USP42: variants seen among roughly 807,000 people sequenced by gnomAD.
The protein encoded by USP42 is ubiquitin specific peptidase 42.
USP42 carries 23 observed loss-of-function variants against 113.0 expected under a neutral mutation model. The ratio of observed to expected loss-of-function variants is 0.20; its 90% confidence interval spans 0.15 to 0.29. The LOEUF is 0.29. Among genes scored for constraint, USP42 ranks in the 10% least tolerant of loss-of-function variants. The probability of loss-of-function intolerance (pLI) is 1.00; values close to 1 mark genes in which losing one functional copy is unlikely to be tolerated. For synonymous variants in USP42, 933 were observed against 699.0 expected (o/e 1.33, Z -5.28); for missense variants, 2,174 against 1,779.8 (o/e 1.22, Z -3.99).
At chr7:6,119,347 G>A (rs1011966872) in intron 3 of USP42, among the ~76,000 whole-genome samples, 5 of 152,112 alleles carry the variant, frequency 3.3e-5, no homozygotes, top group African/African-American at 4.8e-5. Flanking sequence ...GGCGGCAAGC[G>A]CTAGTCCTGG....
chr7:6,126,746 G>T (rs1268433880), intron 3 of USP42, among the ~76,000 whole-genome samples: 2 of 152,080 alleles, frequency 1.3e-5, no homozygotes, highest in African/African-American at 4.8e-5. Context: ...GTTGTTTCTG[G>T]TTTTGGGGGA....
intron 1 of USP42, among the ~76,000 whole-genome samples, chr7:6,110,095 A>G (rs1322488687): frequency 6.6e-6 from 1 of 151,734 alleles, no homozygotes; most frequent in Non-Finnish European, 1.5e-5. Flanking sequence ...TGGCCTCCCA[A>G]GGTGCTGCAA....
chr7:6,131,362 C>G (rs780564437), intron 3 of USP42, among the ~76,000 whole-genome samples: 1 of 151,972 alleles, frequency 6.6e-6, no homozygotes, highest in Non-Finnish European at 1.5e-5. Flanking sequence ...GTAATCCCAG[C>G]TACTCGAGAG....
In USP42 at chr7:6,153,971, G is replaced by C; in HGVS notation, c.2417G>C (p.Gly806Ala). The change falls in exon 15 of 18, where the codon GGC becomes GCC. Residue 806 changes from glycine (G) to alanine (A), a missense_variant. Physicochemically the swap from Gly to Ala is moderately conservative, Grantham distance 60 (BLOSUM62 0). Coordinates refer to ENST00000306177, the MANE Select transcript of USP42 (RefSeq NM_032172.3). ...VAPEEPPPSA[G>A]EDIVGDTAPP... The stretch of plus-strand genomic sequence containing the variant: ...CCCGAGGAGCCTCCGCCCAGCGCCG[G>C]CGAGGACATCGTGGGGGACACAGCA... The C allele has an allele frequency of 1.3e-6, 2 of 1,596,068 alleles. No homozygotes were observed. The highest frequency in any genetic ancestry group is 1.7e-6 in the Non-Finnish European group (2 of 1,173,632).
chr7:6,153,517 A>G (rs1308518031), intron 14 of USP42, among the ~76,000 whole-genome samples: 1 of 152,198 alleles, frequency 6.6e-6, no homozygotes, highest in African/African-American at 2.4e-5. Flanking sequence ...GTATTTAAAG[A>G]GACGAAATAG....
the USP42 span, among the ~76,000 whole-genome samples, chr7:6,086,597 C>A: frequency 3.3e-5 from 5 of 150,484 alleles, no homozygotes; most frequent in Admixed American, 2.0e-4. Context: ...TGATCCACCC[C>A]CCTCAACCTC....
Position 6,159,619 on chromosome 7 carries a change from A to C in USP42, c.*36+126A>C. 1 of 948,320 alleles carries C rather than the reference A, an allele frequency of 1.1e-6. No individual in the cohort carries two copies. Among genetic ancestry groups the C allele is most frequent in the Non-Finnish European group, 1.6e-6 (1 of 632,402 alleles). 58.7% of individuals were successfully genotyped at this position (948,320 alleles called of 1,614,324 possible). On this transcript the variant is annotated intron_variant, in intron 17 of 17. Coordinates refer to ENST00000306177, the MANE Select transcript of USP42 (RefSeq NM_032172.3). This position sits in a 1 kb window ranked among gnomAD's most constrained non-coding sequence, Gnocchi z 4.1. ...CATAGGAGTTGGCAGAGCCATGGAG[A>C]GGCCCCGGCAGGTTCCCAGCCAGCC... is the stretch of plus-strand genomic sequence containing the variant.
chr7:6,122,782 T>TA (rs1780305385), intron 3 of USP42, among the ~76,000 whole-genome samples: 1 of 151,464 alleles, frequency 6.6e-6, no homozygotes, highest in African/African-American at 2.4e-5. Context: ...ATTTTTTTTT[T>TA]AAATAGAGAT....
chr7:6,106,198 A>G (rs944464179), intron 1 of USP42, among the ~76,000 whole-genome samples: 4 of 152,246 alleles, frequency 2.6e-5, no homozygotes, highest in Admixed American at 1.3e-4. Context: ...TATAAAGTTT[A>G]AGGCCAGTCG....
the USP42 span, among the ~76,000 whole-genome samples, chr7:6,094,323 A>G: frequency 1.7e-4 from 26 of 150,986 alleles, no homozygotes; most frequent in Admixed American, 7.2e-4. Flanking sequence ...ACAGGCATGC[A>G]CCAGCACCTG....
In USP42 at chr7:6,154,151, C is replaced by T; in HGVS notation, c.2597C>T (p.Pro866Leu). 1.9e-6 allele frequency: 3 copies of T among 1,594,848 alleles called. No homozygotes were observed. Among genetic ancestry groups the T allele is most frequent in the Non-Finnish European group, 8.5e-7 (1 of 1,171,714 alleles). Residue 866 changes from proline (P) to leucine (L), a missense_variant, in exon 15 of 18, where the codon CCC (proline) becomes CTC (leucine). Physicochemically the swap from Pro to Leu is moderately conservative, Grantham distance 98. Transcript: ENST00000306177. ...SPAPPARSEE[P>L]CEQPLLVHPS... ...GCTCCGCCTGCGCGGTCGGAGGAGC[C>T]CTGCGAGCAGCCACTCCTTGTTCAC... is the stretch of plus-strand genomic sequence containing the variant.
At chr7:6,087,340 CTTTTTTTTTTTT>C in the USP42 span, among the ~76,000 whole-genome samples, 2 of 116,506 alleles carry the variant, frequency 1.7e-5, no homozygotes, top group African/African-American at 3.2e-5. Flanking sequence ...CTAAGCGCTT[CTTTTTTTTTTTT>C]TTTTTTTTTT....
chr7:6,147,902 C>T lies in USP42; in HGVS notation c.1386+10C>T, dbSNP rs755567239. On this transcript the variant is annotated intron_variant, in intron 12 of 17. Coordinates refer to ENST00000306177, the MANE Select transcript of USP42 (RefSeq NM_032172.3). ...CTCTCACATGATAAAGGTAACAGTC[C>T]TTAGGGAGAAGAACATTTTTATGTT... 1.3e-6 allele frequency: 2 copies of T among 1,573,182 alleles called. No individual in the cohort carries two copies. The highest frequency in any genetic ancestry group is 2.3e-5 in the East Asian group (1 of 44,046).
intron 3 of USP42, among the ~76,000 whole-genome samples, chr7:6,134,748 G>A (rs9648587): frequency 0.13 from 19,505 of 152,164 alleles, 1,515 homozygotes; most frequent in Admixed American, 0.21. Context: ...GGCCAGCAAC[G>A]CCAGAGTATT....
In USP42 at chr7:6,158,061, A is replaced by T. The variant is rs990966587; in HGVS notation, c.3943+1006A>T. Among the ~76,000 whole-genome samples the T allele has an allele frequency of 1.3e-5, 2 of 152,214 alleles. No individual in the cohort carries two copies. Among genetic ancestry groups the T allele is most frequent in the African/African-American group, 4.8e-5 (2 of 41,450 alleles). ...GGGGCCAACTTCGGCCAGTCACCAG[A>T]CTTTGTATGAACTTGGAGTTAAGAA... On this transcript the variant is annotated intron_variant, in intron 16 of 17. Transcript: ENST00000306177. This position sits in a 1 kb window ranked among gnomAD's most constrained non-coding sequence, Gnocchi z 4.2.
chr7:6,112,915 T>C (rs1346114277), intron 2 of USP42, among the ~76,000 whole-genome samples: 1 of 148,110 alleles, frequency 6.8e-6, no homozygotes, highest in Admixed American at 6.7e-5. Flanking sequence ...TTTTTTTTTT[T>C]TTTTTTGAGA....
At chr7:6,102,581 C>G (rs75490106), upstream of USP42, among the ~76,000 whole-genome samples, 1 of 149,826 alleles carries the variant, frequency 6.7e-6, no homozygotes, top group East Asian at 2.0e-4. Flanking sequence ...GGCAACATAG[C>G]GAGCCCGTCT....
At chr7:6,152,131 C>T (rs945895696) in intron 14 of USP42, among the ~76,000 whole-genome samples, 2 of 152,204 alleles carry the variant, frequency 1.3e-5, no homozygotes, top group African/African-American at 4.8e-5. Flanking sequence ...GGCTTCACCT[C>T]GCAAAGCAGC....
chr7:6,151,723 G>A (rs143995802), intron 14 of USP42, among the ~76,000 whole-genome samples: 9 of 152,190 alleles, frequency 5.9e-5, no homozygotes, highest in Non-Finnish European at 7.3e-5. Context: ...GATTCCAGAC[G>A]TGAGCCACCG....
Sources: allele counts gnomAD v4.1 joint callset (sites outside exome capture counted in the v4.1 genomes callset), GRCh38; gene constraint gnomAD v4.1.1; non-coding constraint Gnocchi (gnomAD v3.1); transcripts MANE v1.5; gene names NCBI Gene and HGNC (gene_info 2026-07-23, HGNC 2026-07-21).